KIRREL3: variants seen among roughly 807,000 people sequenced by gnomAD.
KIRREL3 encodes the protein kirre like nephrin family adhesion molecule 3, also known as kin of IRRE-like protein 3.
Under a neutral mutation model 89.7 loss-of-function variants are expected in KIRREL3, and 36 were observed. The observed-to-expected ratio is 0.40, with a 90% CI of 0.31 to 0.53. The LOEUF is 0.53. KIRREL3 is among the 20% of genes least tolerant of loss of function. The probability of loss-of-function intolerance (pLI) is 0.49; values close to 1 mark genes in which losing one functional copy is unlikely to be tolerated. For missense variants in KIRREL3, 864 were observed against 1,056.6 expected (o/e 0.82, Z 2.53); for synonymous variants, 445 against 441.4 (o/e 1.01, Z -0.10).
At chr11:126,679,842 A>T (rs939679012) in intron 1 of KIRREL3, among the ~76,000 whole-genome samples, 2 of 152,008 alleles carry the variant, frequency 1.3e-5, no homozygotes, top group Non-Finnish European at 2.9e-5. Context: ...AGCCAATTGG[A>T]TGGCCAAAAA....
Position 126,812,072 on chromosome 11 carries a change from A to C in KIRREL3, c.55+188383T>G, listed in dbSNP as rs1048235500. ...TCGGGATTAGAGAATCTTCAAACTC[A>C]ATATGCATAAGAACAATTTATCCTG... On this transcript the variant is annotated intron_variant, in intron 1 of 16. Coordinates refer to ENST00000525144, the MANE Select transcript of KIRREL3 (RefSeq NM_032531.4). This position sits in a 1 kb window ranked among gnomAD's most constrained non-coding sequence, Gnocchi z 5.2. 7.2e-5 allele frequency among the ~76,000 whole-genome samples: 11 copies of C among 152,238 alleles called. No individual in the cohort carries two copies. The highest frequency in any genetic ancestry group is 2.6e-4 in the Admixed American group (4 of 15,282).
intron 1 of KIRREL3, chr11:126,681,889 GT>G (rs917915858): frequency 2.2e-6 from 1 of 455,062 alleles, no homozygotes. Flanking sequence ...TCAAATGTAC[GT>G]TTAGGAAGAT....
chr11:126,599,688 G>C (rs1244410735), intron 1 of KIRREL3, among the ~76,000 whole-genome samples: 1 of 152,170 alleles, frequency 6.6e-6, no homozygotes, highest in Non-Finnish European at 1.5e-5. Context: ...GCATATAGAA[G>C]CTCTAATCAG....
chr11:126,759,378 T>G (rs1325230163), intron 1 of KIRREL3, among the ~76,000 whole-genome samples: 1 of 152,224 alleles, frequency 6.6e-6, no homozygotes, highest in Non-Finnish European at 1.5e-5. Flanking sequence ...TCTGCCTGCC[T>G]TAGCCTCCCA....
At position 126,531,262 on chromosome 11, in the gene KIRREL3, T is replaced by C. The variant is rs932122771; in HGVS notation, c.134-4575A>G. Among the ~76,000 whole-genome samples, 1 of 152,208 alleles carries C rather than the reference T, an allele frequency of 6.6e-6. No individual in the cohort carries two copies. The highest frequency in any genetic ancestry group is 1.5e-5 in the Non-Finnish European group (1 of 68,040). ...GCTCTCGTTGCCTCAACCTGGGCTC[T>C]TGCCACAGACTCTGAATGTTCTCTT... On this transcript the variant is annotated intron_variant, in intron 2 of 16. Coordinates refer to ENST00000525144, the MANE Select transcript of KIRREL3 (RefSeq NM_032531.4). This position sits in a 1 kb window ranked among gnomAD's most constrained non-coding sequence, Gnocchi z 4.7.
At chr11:126,960,301 T>C (rs530172257) in intron 1 of KIRREL3, among the ~76,000 whole-genome samples, 3 of 152,322 alleles carry the variant, frequency 2.0e-5, no homozygotes, top group Non-Finnish European at 2.9e-5. Context: ...CCTAACTACC[T>C]ACCATGGGAT....
chr11:126,450,300 T>G (rs547159877), intron 7 of KIRREL3, among the ~76,000 whole-genome samples: 3 of 150,972 alleles, frequency 2.0e-5, no homozygotes, highest in Non-Finnish European at 4.4e-5. Context: ...TGTGCATGTG[T>G]GAGTGTGCCC....
chr11:126,880,637 G>GTTTTT (rs34608539), intron 1 of KIRREL3, among the ~76,000 whole-genome samples: 1 of 142,876 alleles, frequency 7.0e-6, no homozygotes, highest in Non-Finnish European at 1.5e-5. Flanking sequence ...AAAAGTTGTG[G>GTTTTT]TTTTTTTTTT....
rs1395012573 is a variant in KIRREL3 at position 126,611,066 on chromosome 11, G to A, written c.56-48154C>T. 1 of 152,210 alleles carries A rather than the reference G, an allele frequency of 6.6e-6. No homozygotes were observed. The highest frequency in any genetic ancestry group is 1.5e-5 in the Non-Finnish European group (1 of 68,056). The allele number at this position is 152,210 out of a possible 1,614,324, so 9.4% of individuals were successfully genotyped here. ...TTAGGGGCTAAGAGTACAGGTGCAA[G>A]AGACAGACCGCCCACATTAAAATCT... is the stretch of plus-strand genomic sequence containing the variant. On this transcript the variant is annotated intron_variant, in intron 1 of 16. Transcript: ENST00000525144. The surrounding 1 kb of genome is among the most constrained non-coding windows in gnomAD (Gnocchi z 4.7).
At position 126,643,168 on chromosome 11, in the gene KIRREL3, A is replaced by G. The variant is rs1469929394; in HGVS notation, c.56-80256T>C. 6.6e-6 allele frequency among the ~76,000 whole-genome samples: 1 copy of G among 152,226 alleles called. No individual in the cohort carries two copies. Among genetic ancestry groups the G allele is most frequent in the Non-Finnish European group, 1.5e-5 (1 of 68,040 alleles). On this transcript the variant is annotated intron_variant, in intron 1 of 16. Coordinates refer to ENST00000525144, the MANE Select transcript of KIRREL3 (RefSeq NM_032531.4). The surrounding 1 kb of genome is among the most constrained non-coding windows in gnomAD (Gnocchi z 4.5). ...GAAAATGTAAACAAGCATAGCTTCAATTTTCCTATTTCTATAACAAGAATA... is the reference window on the plus strand; with the variant it reads ...GAAAATGTAAACAAGCATAGCTTCAGTTTTCCTATTTCTATAACAAGAATA...
rs565120475 is a variant in KIRREL3, at chr11:126,570,358, A to G, written c.56-7446T>C. ...TGTATTTAATTAACTATGCTATTACATACCAATTAAATTCATATAAGAGGA... is the reference window on the plus strand; with the variant it reads ...TGTATTTAATTAACTATGCTATTACGTACCAATTAAATTCATATAAGAGGA... On this transcript the variant is annotated intron_variant, in intron 1 of 16. Coordinates refer to ENST00000525144, the MANE Select transcript of KIRREL3 (RefSeq NM_032531.4). This position sits in a 1 kb window ranked among gnomAD's most constrained non-coding sequence, Gnocchi z 6.1. Among the ~76,000 whole-genome samples, 1 of 152,342 alleles carries G rather than the reference A, an allele frequency of 6.6e-6. No homozygotes were observed. Among genetic ancestry groups the G allele is most frequent in the East Asian group, 1.9e-4 (1 of 5,190 alleles).
intron 1 of KIRREL3, among the ~76,000 whole-genome samples, chr11:126,572,231 T>C (rs1940987399): frequency 6.6e-6 from 1 of 152,194 alleles, no homozygotes; most frequent in South Asian, 2.1e-4. Flanking sequence ...CCAGCCTGCC[T>C]CCAAGTATTC....
chr11:126,535,574 G>GGTGTGT lies in KIRREL3; in HGVS notation c.134-8893_134-8888dup, dbSNP rs60765008. On this transcript the variant is annotated intron_variant, in intron 2 of 16. Transcript: ENST00000525144. This position sits in a 1 kb window ranked among gnomAD's most constrained non-coding sequence, Gnocchi z 4.5. ...GGCAGCACTGCAGGGTGCTGGGTCG[G>GGTGTGT]GTGTGTGTGTGTGTGTGTGCACGTG... Among the ~76,000 whole-genome samples the GGTGTGT allele has an allele frequency of 3.0e-3, 451 of 150,834 alleles. 1 individual carries two copies. The highest frequency in any genetic ancestry group is 6.8e-3 in the Middle Eastern group (2 of 294).
At chr11:126,790,169 T>C (rs1361313401) in intron 1 of KIRREL3, among the ~76,000 whole-genome samples, 1 of 152,260 alleles carries the variant, frequency 6.6e-6, no homozygotes, top group East Asian at 1.9e-4. Context: ...CCTACAGATT[T>C]GTTCACTTGT....
At chr11:126,456,804 G>A (rs1394539500) in intron 6 of KIRREL3, among the ~76,000 whole-genome samples, 4 of 152,224 alleles carry the variant, frequency 2.6e-5, no homozygotes, top group Non-Finnish European at 5.9e-5. Context: ...AGAGGGGCGC[G>A]TGGACACTCA....
At position 126,575,230 on chromosome 11, in the gene KIRREL3, G is replaced by A. The variant is rs775120134; in HGVS notation, c.56-12318C>T. 1.3e-5 allele frequency among the ~76,000 whole-genome samples: 2 copies of A among 152,228 alleles called. No homozygotes were observed. The highest frequency in any genetic ancestry group is 2.9e-5 in the Non-Finnish European group (2 of 68,042). The stretch of plus-strand genomic sequence containing the variant: ...CTACCCTGGCTTGAAGCTTTGGACA[G>A]TCGGGGCAGGTTCTCTCTTGGCTCC... On this transcript the variant is annotated intron_variant, in intron 1 of 16. Transcript: ENST00000525144. This position sits in a 1 kb window ranked among gnomAD's most constrained non-coding sequence, Gnocchi z 7.0.
Position 126,900,114 on chromosome 11 carries a change from GAC to G in KIRREL3, c.55+100339_55+100340del, listed in dbSNP as rs1946317121. On this transcript the variant is annotated intron_variant, in intron 1 of 16. Coordinates refer to ENST00000525144, the MANE Select transcript of KIRREL3 (RefSeq NM_032531.4). The surrounding 1 kb of genome is among the most constrained non-coding windows in gnomAD (Gnocchi z 4.4). The stretch of plus-strand genomic sequence containing the variant: ...CAAATCAATTGTTTTGCACAATGGA[GAC>G]ACACTCCTTGGGTCAGGAAACTAAA... Among the ~76,000 whole-genome samples the G allele has an allele frequency of 6.6e-6, 1 of 152,192 alleles. No homozygotes were observed. The highest frequency in any genetic ancestry group is 1.5e-5 in the Non-Finnish European group (1 of 68,036).
rs1954851930 is a variant in KIRREL3 at position 126,424,528 on chromosome 11, G to T, written c.*52C>A. 1.9e-6 allele frequency: 3 copies of T among 1,571,402 alleles called. No individual in the cohort carries two copies. In the Admixed American group the frequency reaches 5.2e-5, roughly 27 times the overall value. On this transcript the variant is annotated 3_prime_UTR_variant, in exon 17 of 17. Transcript: ENST00000525144. ...AGTACCCCTCGTCCCTGGACAACCA[G>T]AACGTGCCCTGACCTCTTCCCTGGC...
rs114261305 is a variant in KIRREL3, at chr11:126,490,771, G to A, written c.434-17305C>T. The stretch of plus-strand genomic sequence containing the variant: ...CTCCCTCCTCGTCTCCCAAAGAATG[G>A]GTCTGCCTTCTTCATCTCTTGCGAG... On this transcript the variant is annotated intron_variant, in intron 4 of 16. Transcript: ENST00000525144. The surrounding 1 kb of genome is among the most constrained non-coding windows in gnomAD (Gnocchi z 4.2). 8.9e-4 allele frequency among the ~76,000 whole-genome samples: 135 copies of A among 152,250 alleles called. No individual in the cohort carries two copies. Among genetic ancestry groups the A allele is most frequent in the African/African-American group, 2.8e-3 (118 of 41,562 alleles).
Sources: gnomAD v4.1 joint callset for allele counts (sites outside exome capture counted in the v4.1 genomes callset) on GRCh38, gnomAD v4.1.1 for gene constraint, Gnocchi (gnomAD v3.1) non-coding constraint, MANE v1.5 for transcripts, NCBI Gene and HGNC (gene_info 2026-07-23, HGNC 2026-07-21) for gene names.